Variants in SERINC5 observed in about 807,000 individuals in gnomAD.
SERINC5 encodes chromosome 5 open reading frame 12.
A neutral mutation model predicts 63.1 loss-of-function variants in SERINC5; 41 were observed. The observed-to-expected ratio is 0.65, with a 90% confidence interval of 0.51 to 0.84. SERINC5 has a LOEUF of 0.84. SERINC5 is among the 40% of genes least tolerant of loss of function. The probability of loss-of-function intolerance (pLI) is 0.00; values close to 1 mark genes in which losing one functional copy is unlikely to be tolerated. For missense variants in SERINC5, 523 were observed against 573.0 expected (o/e 0.91, Z 0.89); for synonymous variants, 222 against 215.2 (o/e 1.03, Z -0.28).
chr5:80,126,222 T>G (rs1023705553), intron 11 of SERINC5, among the ~76,000 whole-genome samples: 11 of 152,138 alleles, frequency 7.2e-5, no homozygotes, highest in African/African-American at 2.7e-4. Flanking sequence ...CAGATCCAAT[T>G]TGGATTATAA....
rs72458092 is a variant in SERINC5 at position 80,191,663 on chromosome 5, T to TA, written c.195+11222dup. Reference sequence around the variant, plus strand: ...GGGCAACAGGGCAAGGCCCTGTCTCTAAAAAAAAAAAAAGAAAGAAAAAAA... The same window carrying TA: ...GGGCAACAGGGCAAGGCCCTGTCTCTAAAAAAAAAAAAAAGAAAGAAAAAAA... On this transcript the variant is annotated intron_variant, in intron 2 of 11. Coordinates refer to ENST00000507668, the MANE Select transcript of SERINC5 (RefSeq NM_001174072.3). 8.6e-3 allele frequency among the ~76,000 whole-genome samples: 1,008 copies of TA among 117,188 alleles called. 7 individuals are homozygous for TA. The highest frequency in any genetic ancestry group is 0.018 in the South Asian group (59 of 3,328). 76.9% of individuals were successfully genotyped at this position (117,188 alleles called of 152,430 possible). A position where few individuals can be genotyped will look rare whatever the true frequency, so the allele number is the denominator to read the frequency against.
intron 11 of SERINC5, among the ~76,000 whole-genome samples, chr5:80,128,102 A>G (rs113925645): frequency 7.7e-4 from 117 of 152,346 alleles, no homozygotes; most frequent in African/African-American, 2.7e-3. Context: ...AATATACACA[A>G]AATACTATAA....
chr5:80,194,308 T>C lies in SERINC5; in HGVS notation c.195+8578A>G, dbSNP rs577930654. 1.6e-4 allele frequency among the ~76,000 whole-genome samples: 22 copies of C among 140,300 alleles called. No individual in the cohort carries two copies. The South Asian group carries it at 4.4e-3, about 28-fold the overall frequency. The allele number at this position is 140,300 out of a possible 152,430, so 92.0% of individuals were successfully genotyped here. A position where few individuals can be genotyped will look rare whatever the true frequency, so the allele number is the denominator to read the frequency against. On this transcript the variant is annotated intron_variant, in intron 2 of 11. Transcript: ENST00000507668. ...GCTTCAATGTGCCTATGCCAGCCCC[T>C]GATGCAGGTCTCAGGTACAGTGTGC...
chr5:80,161,663 C>T (rs1236658226), intron 7 of SERINC5, among the ~76,000 whole-genome samples: 1 of 152,204 alleles, frequency 6.6e-6, no homozygotes, highest in Non-Finnish European at 1.5e-5. Context: ...TGTCTCTTCA[C>T]TCTGTTGATT....
chr5:80,252,608 C>A lies in SERINC5; in HGVS notation c.27+3288G>T, dbSNP rs181106333. Among the ~76,000 whole-genome samples the A allele has an allele frequency of 6.5e-4, 99 of 152,324 alleles. 1 individual carries two copies. Among genetic ancestry groups the A allele is most frequent in the African/African-American group, 2.3e-3 (96 of 41,572 alleles). Reference sequence around the variant, plus strand: ...AGATACAAAAATAAAATAAGCTGATCTGGATATTATCCTGATGCAGATGGG... The same window carrying A: ...AGATACAAAAATAAAATAAGCTGATATGGATATTATCCTGATGCAGATGGG... On this transcript the variant is annotated intron_variant, in intron 1 of 11. Transcript: ENST00000507668.
intron 2 of SERINC5, among the ~76,000 whole-genome samples, chr5:80,199,968 G>A (rs537344737): frequency 4.6e-5 from 7 of 152,292 alleles, no homozygotes; most frequent in South Asian, 4.1e-4. Context: ...TTAAGTGGAC[G>A]CTCAGAATAA....
chr5:80,121,902 T>C (rs1744558489), intron 11 of SERINC5, among the ~76,000 whole-genome samples: 1 of 152,006 alleles, frequency 6.6e-6, no homozygotes, highest in South Asian at 2.1e-4. Context: ...AAACCATTCA[T>C]GAGGGATCTG....
Position 80,140,417 on chromosome 5 carries a change from G to A in SERINC5, c.*3246C>T, listed in dbSNP as rs372780906. 46 of 983,752 alleles carry A rather than the reference G, an allele frequency of 4.7e-5. No individual in the cohort carries two copies. Among genetic ancestry groups the A allele is most frequent in the African/African-American group, 5.3e-5 (3 of 56,778 alleles). The allele number at this position is 983,752 out of a possible 1,614,324, so 60.9% of individuals were successfully genotyped here. On this transcript the variant is annotated 3_prime_UTR_variant, in exon 12 of 12. Coordinates refer to ENST00000507668, the MANE Select transcript of SERINC5 (RefSeq NM_001174072.3). ...ATAATAAAGGATCTTCTGAGGAATC[G>A]GAAATAAACAATGTTGTATGGAAAC...
chr5:80,114,517 G>A (rs575791529), intron 11 of SERINC5: 2 of 204,996 alleles, frequency 9.8e-6, no homozygotes, highest in African/African-American at 2.4e-5. Flanking sequence ...AGCTCACCAT[G>A]GTGGCACATG....
intron 2 of SERINC5, among the ~76,000 whole-genome samples, chr5:80,190,105 A>AC (rs1491548719): frequency 2.0e-5 from 2 of 101,868 alleles, no homozygotes; most frequent in African/African-American, 7.6e-5. Context: ...TGTCTCCCGT[A>AC]CTTTTTTTTT....
intron 7 of SERINC5, among the ~76,000 whole-genome samples, chr5:80,161,003 CGT>C (rs1214176821): frequency 7.1e-6 from 1 of 141,430 alleles, no homozygotes; most frequent in Non-Finnish European, 1.5e-5. Context: ...TATATATATA[CGT>C]GTATATATAC....
intron 1 of SERINC5, among the ~76,000 whole-genome samples, chr5:80,236,831 G>A (rs113705100): frequency 1.1e-3 from 166 of 150,550 alleles, no homozygotes; most frequent in Non-Finnish European, 1.9e-3. Flanking sequence ...CTGGCCCAGT[G>A]TTTCTTTTTT....
rs1298080814 is a variant in SERINC5 at position 80,140,512 on chromosome 5, G to C, written c.*3151C>G. On this transcript the variant is annotated 3_prime_UTR_variant, in exon 12 of 12. Transcript: ENST00000507668. ...CCCACTCTATCTCCCCTTCAAAGAG[G>C]CTCCAAATACCTCTGGCAAATAATT... 1.0e-6 allele frequency: 1 copy of C among 984,318 alleles called. No individual in the cohort carries two copies. The highest frequency in any genetic ancestry group is 1.2e-6 in the Non-Finnish European group (1 of 829,582). The allele number at this position is 984,318 out of a possible 1,614,324, so 61.0% of individuals were successfully genotyped here.
chr5:80,255,852 T>C, intron 1 of SERINC5, 44 bp downstream of exon 1: 6 of 1,583,950 alleles, frequency 3.8e-6, no homozygotes, highest in Non-Finnish European at 5.1e-6. Flanking sequence ...CCTGGCCCGG[T>C]TCTCCGATCT....
intron 5 of SERINC5, among the ~76,000 whole-genome samples, chr5:80,172,588 G>A (rs139012998): frequency 7.3e-5 from 11 of 150,504 alleles, no homozygotes; most frequent in African/African-American, 2.5e-4. Context: ...GGGAGGAAAG[G>A]CCAAAATGAT....
At chr5:80,229,148 C>A (rs1751315360) in intron 1 of SERINC5, among the ~76,000 whole-genome samples, 1 of 148,720 alleles carries the variant, frequency 6.7e-6, no homozygotes, top group African/African-American at 2.5e-5. Flanking sequence ...CTCAGCCTCC[C>A]CAGTAGCTAG....
rs772974140 is a variant in SERINC5 at position 80,158,935 on chromosome 5, G to C, written c.887C>G (p.Thr296Arg). 6 of 1,613,742 alleles carry C rather than the reference G, an allele frequency of 3.7e-6. No homozygotes were observed. The highest frequency in any genetic ancestry group is 5.1e-6 in the Non-Finnish European group (6 of 1,179,806). Residue 296 changes from threonine (T) to arginine (R), a missense_variant, in exon 8 of 12, where the codon ACA (threonine) becomes AGA (arginine). Physicochemically the swap from Thr to Arg is moderately conservative, Grantham distance 71 (BLOSUM62 -1). Transcript: ENST00000507668. ...TTGACCAAAGTCAGGCACACAGATTGTAACATTTTTCCCATGTTCATCTAG... is the reference window on the plus strand; with the variant it reads ...TTGACCAAAGTCAGGCACACAGATTCTAACATTTTTCCCATGTTCATCTAG... ...VVLDEHGKNV[T>R]ICVPDFGQDL...
At chr5:80,123,532 G>C (rs891428228) in intron 11 of SERINC5, among the ~76,000 whole-genome samples, 4 of 152,222 alleles carry the variant, frequency 2.6e-5, no homozygotes, top group African/African-American at 9.6e-5. Context: ...CTTGTGCTGA[G>C]TTGTCTGTTA....
intron 1 of SERINC5, among the ~76,000 whole-genome samples, chr5:80,229,971 A>G (rs1220436832): frequency 6.6e-6 from 1 of 152,170 alleles, no homozygotes; most frequent in Non-Finnish European, 1.5e-5. Context: ...CAGGGCTGGG[A>G]TCTAAACCTA....
Sources: gnomAD v4.1 joint callset for allele counts (sites outside exome capture counted in the v4.1 genomes callset) on GRCh38, gnomAD v4.1.1 for gene constraint, MANE v1.5 for transcripts, NCBI Gene and HGNC (gene_info 2026-07-23, HGNC 2026-07-21) for gene names.